ALB: variants seen among roughly 807,000 people sequenced by gnomAD.
ALB encodes albumin.
ALB carries 37 observed loss-of-function variants against 74.5 expected under a neutral mutation model. That is an observed-to-expected ratio of 0.50 (90% confidence interval 0.38 to 0.65). The LOEUF (loss-of-function observed/expected upper bound fraction) is 0.65. ALB is among the 30% of genes least tolerant of loss of function. ALB has a pLI of 0.00. For synonymous variants in ALB, 249 were observed against 251.6 expected, an observed-to-expected ratio of 0.99 and a Z score of 0.10; for missense variants, 685 against 718.7, an observed-to-expected ratio of 0.95 and a Z score of 0.54.
Position 73,421,252 on chromosome 4 carries a change from T to A in ALB, c.*184T>A. The A allele has an allele frequency of 1.7e-6, 1 of 592,678 alleles. No homozygotes were observed. Among genetic ancestry groups the A allele is most frequent in the Admixed American group, 3.0e-5 (1 of 33,074 alleles). The allele number at this position is 592,678 out of a possible 1,614,324, so 36.7% of individuals were successfully genotyped here. ...TTCAATTAATAAAAAATGGAAAGAA[T>A]CTAATAGAGTGGTACAGCACTGTTA... On this transcript the variant is annotated 3_prime_UTR_variant, in exon 15 of 15. Transcript: ENST00000295897.
intron 10 of ALB, among the ~76,000 whole-genome samples, 176 bp from the exon 11 acceptor site, chr4:73,417,355 A>G (rs1189665686): frequency 6.6e-6 from 1 of 152,230 alleles, no homozygotes; most frequent in Non-Finnish European, 1.5e-5. Flanking sequence ...AAGTTTAACT[A>G]GTTGTTCAGG....
Position 73,410,339 on chromosome 4 carries a change from G to A in ALB, c.643G>A (p.Ala215Thr), listed in dbSNP as rs3210154. ...CGATGAACTTCGGGATGAAGGGAAG[G>A]CTTCGTCTGCCAAACAGAGACTCAA... ...KLDELRDEGK[A>T]SSAKQRLKCA... is the part of the protein sequence containing the mutation. The change falls in exon 6 of 15, where the codon GCT (alanine) becomes ACT (threonine). Residue 215 changes from alanine to threonine, a missense_variant. Transcript: ENST00000295897. 139 of 1,613,646 alleles carry A rather than the reference G, an allele frequency of 8.6e-5. No homozygotes were observed. The highest frequency in any genetic ancestry group is 1.1e-4 in the Non-Finnish European group (135 of 1,179,784).
chr4:73,406,878 C>A, intron 3 of ALB, 117 bp downstream of exon 3: 1 of 1,261,546 alleles, frequency 7.9e-7, no homozygotes, highest in Non-Finnish European at 1.1e-6. Context: ...TTGTAAGAAA[C>A]ACTAAAAAGT....
chr4:73,420,378 CAA>C, intron 14 of ALB, 57 bp downstream of exon 14: 1 of 1,185,698 alleles, frequency 8.4e-7, no homozygotes, highest in Non-Finnish European at 1.2e-6. Flanking sequence ...ATTAAAATAG[CAA>C]AGATTGACCA....
intron 7 of ALB, among the ~76,000 whole-genome samples, chr4:73,412,733 C>T (rs921772619): frequency 2.6e-5 from 4 of 152,240 alleles, no homozygotes; most frequent in Admixed American, 6.5e-5. Context: ...GCATGAGCCA[C>T]CTTGCCCAGC....
rs59439476 is a variant in ALB, at chr4:73,406,758, A to T, written c.267A>T (p.Ser89=). ...AGTCAGCTGAAAATTGTGACAAATC[A>T]CTTGTAAGTACATTCTAATTGTGGA... is the stretch of plus-strand genomic sequence containing the variant. ...ADESAENCDK[S]LHTLFGDKLC... Residue 89 remains serine (S), a synonymous_variant, in exon 3 of 15, where the codon TCA becomes TCT. Transcript: ENST00000295897. The T allele has an allele frequency of 1.2e-6, 2 of 1,613,732 alleles. No homozygotes were observed. The highest frequency in any genetic ancestry group is 2.7e-5 in the African/African-American group (2 of 75,056).
At chr4:73,410,846 T>C (rs1205607421) in intron 6 of ALB, among the ~76,000 whole-genome samples, 2 of 152,182 alleles carry the variant, frequency 1.3e-5, no homozygotes, top group Admixed American at 6.5e-5. Flanking sequence ...ATACAACATA[T>C]ATAATCCCTT....
chr4:73,414,020 T>C (rs952800197), intron 8 of ALB, among the ~76,000 whole-genome samples: 20 of 152,212 alleles, frequency 1.3e-4, no homozygotes, highest in South Asian at 6.2e-4. Context: ...CTAGTCTATC[T>C]ATCTAATCTA....
rs780486588 is a variant in ALB, at chr4:73,415,018, A to G, written c.1059-17A>G. 7.4e-6 allele frequency: 12 copies of G among 1,613,360 alleles called. No individual in the cohort carries two copies. In the Admixed American group the frequency reaches 1.8e-4, roughly 25 times the overall value. ...TCATTTGTCCAACAAAGTCTATTTTATTTTCATCTTAATTAGGTTTTTGTA... is the reference window on the plus strand; with the variant it reads ...TCATTTGTCCAACAAAGTCTATTTTGTTTTCATCTTAATTAGGTTTTTGTA... On this transcript the variant is annotated splice_polypyrimidine_tract_variant and intron_variant, in intron 8 of 14. Transcript: ENST00000295897.
In ALB at chr4:73,415,104, A is replaced by G. The variant is rs750844332; in HGVS notation, c.1128A>G (p.Thr376=). The G allele has an allele frequency of 6.2e-7, 1 of 1,614,200 alleles. No homozygotes were observed. The highest frequency in any genetic ancestry group is 2.2e-5 in the East Asian group (1 of 44,882). ...SVVLLLRLAK[T]YETTLEKCCA... is the part of the protein sequence containing the mutation. ...TGCTGCTGCTGAGACTTGCCAAGAC[A>G]TATGAAACCACTCTAGAGAAGTGCT... Residue 376 remains threonine, a synonymous_variant, in exon 9 of 15, where the codon ACA becomes ACG. Transcript: ENST00000295897.
rs370277014 is a variant in ALB, at chr4:73,415,024, A to G, written c.1059-11A>G. On this transcript the variant is annotated splice_polypyrimidine_tract_variant and intron_variant, in intron 8 of 14. Coordinates refer to ENST00000295897, the MANE Select transcript of ALB (RefSeq NM_000477.7). ...GTCCAACAAAGTCTATTTTATTTTC[A>G]TCTTAATTAGGTTTTTGTATGAATA... 97 of 1,613,758 alleles carry G rather than the reference A, an allele frequency of 6.0e-5. No homozygotes were observed. In the Middle Eastern group the frequency reaches 9.9e-4, roughly 16 times the overall value.
chr4:73,409,178 C>G (rs1183934026), intron 4 of ALB, 177 bp from the exon 5 acceptor site: 1 of 687,544 alleles, frequency 1.5e-6, no homozygotes. Flanking sequence ...CACACTTAAC[C>G]CTTTTTTCCA....
At chr4:73,416,889 T>C (rs571527382) in intron 10 of ALB, among the ~76,000 whole-genome samples, 1 of 152,298 alleles carries the variant, frequency 6.6e-6, no homozygotes, top group South Asian at 2.1e-4. Flanking sequence ...CCCAATTCAA[T>C]AGAGTCTTAT....
Position 73,413,472 on chromosome 4 carries a change from T to C in ALB, c.896T>C (p.Leu299Pro), listed in dbSNP as rs2149328489. 1 of 1,614,156 alleles carries C rather than the reference T, an allele frequency of 6.2e-7. No homozygotes were observed. The highest frequency in any genetic ancestry group is 1.7e-5 in the Admixed American group (1 of 60,018). The change falls in exon 8 of 15, where the codon CTG becomes CCG. Residue 299 changes from leucine (L) to proline (P), a missense_variant. By Grantham distance (98) the Leu-to-Pro change is moderately conservative. Transcript: ENST00000295897. Reference protein sequence around the residue: ...CENQDSISSKLKECCEKPLLE... With the variant: ...CENQDSISSKPKECCEKPLLE... ...AATCAAGATTCGATCTCCAGTAAAC[T>C]GAAGGAATGCTGTGAAAAACCTCTG...
In ALB at chr4:73,404,395, G is replaced by A. The variant is rs72552709; in HGVS notation, c.68G>A (p.Arg23His). The A allele has an allele frequency of 5.6e-6, 9 of 1,612,214 alleles. No individual in the cohort carries two copies. Among genetic ancestry groups the A allele is most frequent in the East Asian group, 2.2e-5 (1 of 44,828 alleles). The change falls in exon 1 of 15, where the codon CGT becomes CAT. Residue 23 changes from arginine to histidine, a missense_variant. By Grantham distance (29) the Arg-to-His change is conservative. Transcript: ENST00000295897. ...TCGGCTTATTCCAGGGGTGTGTTTC[G>A]TCGAGATGCACGTAAGAAATCCATT... is the stretch of plus-strand genomic sequence containing the variant. ...FSSAYSRGVF[R>H]RDAHKSEVAH...
Position 73,421,114 on chromosome 4 carries a change from G to T in ALB, c.*46G>T. 2.9e-6 allele frequency: 2 copies of T among 692,800 alleles called. No individual in the cohort carries two copies. Among genetic ancestry groups the T allele is most frequent in the Admixed American group, 2.1e-5 (1 of 48,738 alleles). The allele number at this position is 692,800 out of a possible 1,614,324, so 42.9% of individuals were successfully genotyped here. A position where few individuals can be genotyped will look rare whatever the true frequency, so the allele number is the denominator to read the frequency against. Reference sequence around the variant, plus strand: ...CAGCCTACCATGAGAATAAGAGAAAGAAAATGAAGATCAAAAGCTTATTCA... The same window carrying T: ...CAGCCTACCATGAGAATAAGAGAAATAAAATGAAGATCAAAAGCTTATTCA... On this transcript the variant is annotated 3_prime_UTR_variant, in exon 15 of 15. Transcript: ENST00000295897.
At chr4:73,405,748 G>A (rs56271167) in intron 2 of ALB, among the ~76,000 whole-genome samples, 81,476 of 151,516 alleles carry the variant, frequency 0.54, 22,420 homozygotes, top group Non-Finnish European at 0.61. Context: ...CCGCCATCAC[G>A]CCCGGCTAAT....
chr4:73,412,528 C>T (rs1718905689), intron 7 of ALB, among the ~76,000 whole-genome samples: 1 of 152,176 alleles, frequency 6.6e-6, no homozygotes, highest in African/African-American at 2.4e-5. Context: ...TCAGCGCAAC[C>T]TCTGCCTCCT....
Position 73,420,295 on chromosome 4 carries a change from A to G in ALB, c.1827A>G (p.Leu609=). Reference sequence around the variant, plus strand: ...CTGCAAGTCAAGCTGCCTTAGGCTTATAACATCACATTTAAAAGCATCTCA... The same window carrying G: ...CTGCAAGTCAAGCTGCCTTAGGCTTGTAACATCACATTTAAAAGCATCTCA... ...LVAASQAALG[L] Residue 609 remains leucine (L), a synonymous_variant, in exon 14 of 15, where the codon TTA becomes TTG. Transcript: ENST00000295897. 6.2e-7 allele frequency: 1 copy of G among 1,610,590 alleles called. No individual in the cohort carries two copies. The highest frequency in any genetic ancestry group is 8.5e-7 in the Non-Finnish European group (1 of 1,177,224).
Sources: allele counts gnomAD v4.1 joint callset (sites outside exome capture counted in the v4.1 genomes callset), GRCh38; gene constraint gnomAD v4.1.1; transcripts MANE v1.5; gene names NCBI Gene and HGNC (gene_info 2026-07-23, HGNC 2026-07-21).